The following ST6GALNAC3 variants were observed in gnomAD, a reference collection of about 807,000 sequenced individuals.
The protein encoded by ST6GALNAC3 is ST6 N-acetylgalactosaminide alpha-2,6-sialyltransferase 3.
In ST6GALNAC3, 25 loss-of-function variants were observed where a neutral mutation model predicts 32.7. That is an observed-to-expected ratio of 0.76 (90% CI 0.56 to 1.07). ST6GALNAC3 has a LOEUF of 1.07. Ranked by LOEUF, ST6GALNAC3 falls within the 50% of genes least tolerant of loss-of-function variation. The pLI, the probability that ST6GALNAC3 is intolerant of heterozygous loss-of-function variation, is 0.00. For missense variants in ST6GALNAC3, 355 were observed against 382.4 expected (o/e 0.93, Z 0.60); for synonymous variants, 129 against 133.1 (o/e 0.97, Z 0.21).
intron 1 of ST6GALNAC3, among the ~76,000 whole-genome samples, chr1:76,266,493 A>G (rs1419980433): frequency 6.6e-6 from 1 of 152,204 alleles, no homozygotes. Flanking sequence ...TACTGTTCTT[A>G]TCATCAGATG....
chr1:76,184,961 C>T (rs928235052), intron 1 of ST6GALNAC3, among the ~76,000 whole-genome samples: 1 of 152,180 alleles, frequency 6.6e-6, no homozygotes, highest in Non-Finnish European at 1.5e-5. Flanking sequence ...ATCATGAGAG[C>T]AGCAGGTACC....
At chr1:76,593,019 T>A (rs1647074848) in intron 3 of ST6GALNAC3, among the ~76,000 whole-genome samples, 1 of 152,078 alleles carries the variant, frequency 6.6e-6, no homozygotes, top group Non-Finnish European at 1.5e-5. Context: ...GTTTAATGTA[T>A]ATGCACTCAC....
intron 1 of ST6GALNAC3, among the ~76,000 whole-genome samples, chr1:76,204,073 T>C (rs1231691272): frequency 6.6e-6 from 1 of 152,214 alleles, no homozygotes; most frequent in African/African-American, 2.4e-5. Flanking sequence ...TGGCCTCTGC[T>C]AACCACCAAT....
chr1:76,221,667 T>C (rs1013584862), intron 1 of ST6GALNAC3, among the ~76,000 whole-genome samples: 1 of 152,186 alleles, frequency 6.6e-6, no homozygotes, highest in African/African-American at 2.4e-5. Flanking sequence ...CTTTTTTCTT[T>C]CATTTCAGAT....
intron 2 of ST6GALNAC3, among the ~76,000 whole-genome samples, chr1:76,380,670 GATA>G (rs1233577776): frequency 3.3e-5 from 5 of 152,130 alleles, no homozygotes; most frequent in African/African-American, 1.2e-4. Flanking sequence ...GTCTCACAAA[GATA>G]ATAACAGAAA....
In ST6GALNAC3 at chr1:76,525,828, T is replaced by C. The variant is rs1219072527; in HGVS notation, c.624-101624T>C. Among the ~76,000 whole-genome samples the C allele has an allele frequency of 2.3e-5, 3 of 128,628 alleles. No individual in the cohort carries two copies. The East Asian group carries it at 6.8e-4, about 29-fold the overall frequency. The allele number at this position is 128,628 out of a possible 152,430, so 84.4% of individuals were successfully genotyped here. A position where few individuals can be genotyped will look rare whatever the true frequency, so the allele number is the denominator to read the frequency against. Reference sequence around the variant, plus strand: ...ATATATATATATATATATATATATATGACCGTTTTGCAGGGACTAAGACAA... The same window carrying C: ...ATATATATATATATATATATATATACGACCGTTTTGCAGGGACTAAGACAA... On this transcript the variant is annotated intron_variant, in intron 3 of 4. Coordinates refer to ENST00000328299, the MANE Select transcript of ST6GALNAC3 (RefSeq NM_152996.4).
At chr1:76,428,546 C>T (rs933211133) in intron 3 of ST6GALNAC3, among the ~76,000 whole-genome samples, 2 of 151,926 alleles carry the variant, frequency 1.3e-5, no homozygotes, top group African/African-American at 4.8e-5. Flanking sequence ...TTTTGCAGTT[C>T]TCCCTGTGGC....
chr1:76,127,168 A>G (rs1251308917), intron 1 of ST6GALNAC3, among the ~76,000 whole-genome samples: 1 of 152,220 alleles, frequency 6.6e-6, no homozygotes. Flanking sequence ...GGGTGGTTGT[A>G]TAAATGAGGA....
At chr1:76,586,010 A>C (rs1384718875) in intron 3 of ST6GALNAC3, among the ~76,000 whole-genome samples, 1 of 152,154 alleles carries the variant, frequency 6.6e-6, no homozygotes, top group Non-Finnish European at 1.5e-5. Context: ...AAATGCTTAA[A>C]ATTACTGCTT....
intron 1 of ST6GALNAC3, among the ~76,000 whole-genome samples, chr1:76,138,579 A>G (rs867398427): frequency 7.9e-5 from 12 of 152,228 alleles, no homozygotes; most frequent in Non-Finnish European, 1.8e-4. Flanking sequence ...AAAATGGGTC[A>G]TTCTATGCAA....
chr1:76,164,437 C>T (rs1482949881), intron 1 of ST6GALNAC3, among the ~76,000 whole-genome samples: 1 of 152,172 alleles, frequency 6.6e-6, no homozygotes, highest in Non-Finnish European at 1.5e-5. Context: ...TAGGGAAAAT[C>T]ATGGCAGCTT....
rs1653638239 is a variant in ST6GALNAC3, at chr1:76,404,152, G to A, written c.214-7856G>A. Among the ~76,000 whole-genome samples, 4 of 152,164 alleles carry A rather than the reference G, an allele frequency of 2.6e-5. No homozygotes were observed. The South Asian group carries it at 8.3e-4, about 32-fold the overall frequency. On this transcript the variant is annotated intron_variant, in intron 2 of 4. Coordinates refer to ENST00000328299, the MANE Select transcript of ST6GALNAC3 (RefSeq NM_152996.4). ...TTATGCTTAGATTTAATGTCACCAGGTAGGAACCAAGGTAAATGCCACATC... is the reference window on the plus strand; with the variant it reads ...TTATGCTTAGATTTAATGTCACCAGATAGGAACCAAGGTAAATGCCACATC...
chr1:76,613,270 T>TG (rs1411828485), intron 3 of ST6GALNAC3, among the ~76,000 whole-genome samples: 10 of 152,210 alleles, frequency 6.6e-5, no homozygotes, highest in African/African-American at 1.4e-4. Flanking sequence ...ATCTATCTCC[T>TG]GGGGGGTCCA....
intron 3 of ST6GALNAC3, among the ~76,000 whole-genome samples, chr1:76,461,219 G>A (rs1183708179): frequency 6.6e-6 from 1 of 152,084 alleles, no homozygotes. Flanking sequence ...ATCCTTCACA[G>A]AATCCTCTAA....
At position 76,313,936 on chromosome 1, in the gene ST6GALNAC3, C is replaced by T. The variant is rs1557778144; in HGVS notation, c.150C>T (p.Phe50=). 6.2e-7 allele frequency: 1 copy of T among 1,613,528 alleles called. No homozygotes were observed. The highest frequency in any genetic ancestry group is 8.5e-7 in the Non-Finnish European group (1 of 1,179,672). ...FGQPGTKWIP[F]SYTYRRPLRT... The stretch of plus-strand genomic sequence containing the variant: ...AACCTGGTACAAAGTGGATACCATT[C>T]TCCTACACATACAGGCGGCCCCTTC... Residue 50 remains phenylalanine, a synonymous_variant, in exon 2 of 5, where the codon TTC becomes TTT. Transcript: ENST00000328299.
At position 76,188,371 on chromosome 1, in the gene ST6GALNAC3, C is replaced by T. The variant is rs552894327; in HGVS notation, c.18+113487C>T. Among the ~76,000 whole-genome samples, 10 of 152,120 alleles carry T rather than the reference C, an allele frequency of 6.6e-5. No individual in the cohort carries two copies. The South Asian group carries it at 1.9e-3, about 28-fold the overall frequency. On this transcript the variant is annotated intron_variant, in intron 1 of 4. Transcript: ENST00000328299. ...AGCAAGACTCCATCTCAAAAAAAAA[C>T]ATCTGTATGTATTTAGTAGGTAAGG...
chr1:76,359,756 T>C (rs568194818), intron 2 of ST6GALNAC3, among the ~76,000 whole-genome samples: 58 of 152,310 alleles, frequency 3.8e-4, no homozygotes, highest in African/African-American at 1.3e-3. Context: ...AATTTGAGGC[T>C]ACTAATATAA....
chr1:76,267,801 C>T (rs1658618330), intron 1 of ST6GALNAC3, among the ~76,000 whole-genome samples: 1 of 152,188 alleles, frequency 6.6e-6, no homozygotes, highest in South Asian at 2.1e-4. Flanking sequence ...AAATCCTCCC[C>T]AGATAGGGTT....
At chr1:76,184,134 G>T (rs1226379420) in intron 1 of ST6GALNAC3, among the ~76,000 whole-genome samples, 1 of 151,614 alleles carries the variant, frequency 6.6e-6, no homozygotes. Context: ...CTGTGTTATT[G>T]ATTACCCCTT....
Sources: gnomAD v4.1 joint callset for allele counts (sites outside exome capture counted in the v4.1 genomes callset) on GRCh38, gnomAD v4.1.1 for gene constraint, MANE v1.5 for transcripts, NCBI Gene and HGNC (gene_info 2026-07-23, HGNC 2026-07-21) for gene names.